NR5A2: variants seen among roughly 807,000 people sequenced by gnomAD.
NR5A2 encodes the protein CYP7A promoter-binding factor.
In NR5A2, 26 loss-of-function variants were observed where a neutral mutation model predicts 62.7. The observed-to-expected ratio is 0.41, with a 90% confidence interval of 0.30 to 0.58. The LOEUF (loss-of-function observed/expected upper bound fraction) is 0.58. Among genes scored for constraint, NR5A2 ranks in the 20% least tolerant of loss-of-function variants. NR5A2 has a pLI of 0.22. For missense variants in NR5A2, 541 were observed against 669.1 expected (o/e 0.81, Z 2.11); for synonymous variants, 246 against 241.7 (o/e 1.02, Z -0.16).
chr1:200,088,971 T>G (rs1051343881), intron 5 of NR5A2, among the ~76,000 whole-genome samples: 1 of 152,194 alleles, frequency 6.6e-6, no homozygotes, highest in African/African-American at 2.4e-5. Context: ...TGCACCTTGC[T>G]AGGTTTCTTC....
intron 5 of NR5A2, among the ~76,000 whole-genome samples, chr1:200,094,730 C>T (rs919859531): frequency 1.3e-5 from 2 of 151,512 alleles, no homozygotes. Context: ...GACGGGGTTT[C>T]GCTGTGCTAG....
chr1:200,030,055 T>G (rs1661496380), intron 1 of NR5A2, among the ~76,000 whole-genome samples: 1 of 152,150 alleles, frequency 6.6e-6, no homozygotes, highest in Admixed American at 6.5e-5. Context: ...GAGGGAGAGA[T>G]GCCCCTTGAA....
intron 5 of NR5A2, among the ~76,000 whole-genome samples, chr1:200,079,912 G>A (rs1664216328): frequency 6.6e-6 from 1 of 151,970 alleles, no homozygotes; most frequent in South Asian, 2.1e-4. Flanking sequence ...TCAAACATAT[G>A]TGTCATTTTG....
intron 5 of NR5A2, among the ~76,000 whole-genome samples, chr1:200,106,766 A>AAAAT (rs1393030045): frequency 6.6e-6 from 1 of 152,136 alleles, no homozygotes; most frequent in Non-Finnish European, 1.5e-5. Flanking sequence ...TTTTTCTTAA[A>AAAAT]AAACAAAAAA....
At chr1:200,161,928 A>T (rs908000294) in intron 7 of NR5A2, among the ~76,000 whole-genome samples, 1 of 152,202 alleles carries the variant, frequency 6.6e-6, no homozygotes, top group African/African-American at 2.4e-5. Flanking sequence ...TAAGAAACAT[A>T]AGTCAGAATC....
chr1:200,133,504 A>AATATATATATATATATATAT (rs1571532437), intron 7 of NR5A2, among the ~76,000 whole-genome samples: 1 of 110,720 alleles, frequency 9.0e-6, no homozygotes, highest in Non-Finnish European at 1.8e-5. Context: ...TCACTGATGG[A>AATATATATATATATATATAT]CTATATATAT....
chr1:200,148,998 C>A (rs1667862011), intron 7 of NR5A2, among the ~76,000 whole-genome samples: 1 of 148,812 alleles, frequency 6.7e-6, no homozygotes. Context: ...AAACAACCAA[C>A]AACTCTTGGG....
intron 5 of NR5A2, among the ~76,000 whole-genome samples, chr1:200,076,792 A>G (rs915783302): frequency 6.6e-6 from 1 of 152,164 alleles, no homozygotes; most frequent in African/African-American, 2.4e-5. Context: ...ATTAAGTAGA[A>G]ACATATTTTT....
At chr1:200,037,198 G>GTCAGCC (rs1216986677) in intron 1 of NR5A2, among the ~76,000 whole-genome samples, 5 of 152,164 alleles carry the variant, frequency 3.3e-5, no homozygotes, top group Non-Finnish European at 5.9e-5. Context: ...GTCTCACTAG[G>GTCAGCC]TCAGCCTCAG....
At chr1:200,053,583 A>G (rs952439703) in intron 5 of NR5A2, among the ~76,000 whole-genome samples, 26 of 151,502 alleles carry the variant, frequency 1.7e-4, no homozygotes, top group Admixed American at 7.9e-4. Context: ...ACACACACAC[A>G]CACACACACA....
At chr1:200,035,381 C>A (rs886068455) in intron 1 of NR5A2, among the ~76,000 whole-genome samples, 1 of 152,116 alleles carries the variant, frequency 6.6e-6, no homozygotes, top group Non-Finnish European at 1.5e-5. Context: ...ACACCTTTTG[C>A]GAGCCCAGGA....
intron 1 of NR5A2, among the ~76,000 whole-genome samples, chr1:200,038,158 G>A (rs1558095799): frequency 6.6e-6 from 1 of 152,218 alleles, no homozygotes; most frequent in African/African-American, 2.4e-5. Flanking sequence ...TGGTCGAAGA[G>A]CTTGCGTAAC....
At chr1:200,112,456 C>G (rs145031538) in intron 6 of NR5A2, among the ~76,000 whole-genome samples, 10 of 152,178 alleles carry the variant, frequency 6.6e-5, no homozygotes, top group Non-Finnish European at 4.4e-5. Flanking sequence ...TACTCGGCAC[C>G]ATGATCTTTT....
chr1:200,116,664 G>A (rs72740824), intron 6 of NR5A2, among the ~76,000 whole-genome samples: 10,117 of 152,142 alleles, frequency 0.066, 400 homozygotes, highest in Non-Finnish European at 0.088. Context: ...CTTTGAATCA[G>A]GCATCTACAT....
chr1:200,149,196 G>A (rs1265969836), intron 7 of NR5A2, among the ~76,000 whole-genome samples: 4 of 152,214 alleles, frequency 2.6e-5, no homozygotes, highest in African/African-American at 9.6e-5. Flanking sequence ...ACAGGCATGA[G>A]CCACCTCACC....
At chr1:200,071,738 T>C (rs1193152508) in intron 5 of NR5A2, among the ~76,000 whole-genome samples, 2 of 152,204 alleles carry the variant, frequency 1.3e-5, no homozygotes, top group Non-Finnish European at 2.9e-5. Flanking sequence ...CTAGTGGATT[T>C]TGAGGTTGTG....
At chr1:200,149,312 G>A (rs936097352) in intron 7 of NR5A2, among the ~76,000 whole-genome samples, 5 of 152,284 alleles carry the variant, frequency 3.3e-5, no homozygotes, top group East Asian at 3.9e-4. Flanking sequence ...AGTGTGGGTC[G>A]CAATAACTGA....
intron 5 of NR5A2, among the ~76,000 whole-genome samples, chr1:200,090,262 T>C (rs1429117905): frequency 6.6e-6 from 1 of 152,236 alleles, no homozygotes; most frequent in African/African-American, 2.4e-5. Context: ...CTTGTGTTGA[T>C]TTAAAGCAGT....
At chr1:200,114,193 ATAG>A (rs1257814744) in intron 6 of NR5A2, among the ~76,000 whole-genome samples, 2 of 150,646 alleles carry the variant, frequency 1.3e-5, no homozygotes, top group African/African-American at 4.9e-5. Flanking sequence ...AAAAAAAATA[ATAG>A]AAAAGAGGTG....
Sources: allele counts gnomAD v4.1 joint callset (sites outside exome capture counted in the v4.1 genomes callset), GRCh38; gene constraint gnomAD v4.1.1; transcripts MANE v1.5; gene names NCBI Gene and HGNC (gene_info 2026-07-23, HGNC 2026-07-21).